Variants in ZNF607 observed in about 807,000 individuals in gnomAD.
ZNF607 encodes the protein zinc finger protein 607.
ZNF607 carries 5 observed loss-of-function variants against 12.8 expected under a neutral mutation model. The observed-to-expected ratio is 0.39, with a 90% CI of 0.20 to 0.82. The LOEUF (loss-of-function observed/expected upper bound fraction) is 0.82, where lower values mean the gene tolerates loss of function less well. Among genes scored for constraint, ZNF607 ranks in the 40% least tolerant of loss-of-function variants. The pLI is 0.39. For synonymous variants in ZNF607, 287 were observed against 276.2 expected, an observed-to-expected ratio of 1.04 and a Z score of -0.39; for missense variants, 851 against 859.2, an observed-to-expected ratio of 0.99 and a Z score of 0.12.
chr19:37,698,417 GACGAA>G lies in ZNF607; in HGVS notation c.1709_1713del (p.Phe570SerfsTer9). 6.2e-7 allele frequency: 1 copy of G among 1,614,184 alleles called. No homozygotes were observed. Among genetic ancestry groups the G allele is most frequent in the Non-Finnish European group, 8.5e-7 (1 of 1,180,020 alleles). On this transcript the variant is annotated frameshift_variant, in exon 5 of 5. Transcript: ENST00000355202. LOFTEE classifies it low-confidence loss of function (END_TRUNC). ...TCATGATATATGAGGCTTGTGGCAT[GACGAA>G]AGGCCTTGCCACATTCCTTACATTC...
At chr19:37,700,959 G>A (rs1456949345) in intron 4 of ZNF607, among the ~76,000 whole-genome samples, 1 of 152,130 alleles carries the variant, frequency 6.6e-6, no homozygotes, top group Non-Finnish European at 1.5e-5. Context: ...TAAAAACAGT[G>A]AATGATTTTG....
intron 4 of ZNF607, among the ~76,000 whole-genome samples, chr19:37,701,553 C>G (rs1030697290): frequency 6.6e-6 from 1 of 152,184 alleles, no homozygotes; most frequent in African/African-American, 2.4e-5. Context: ...GCAGGGGACA[C>G]GTGCGTCAGG....
chr19:37,716,442 G>A (rs1027065526), intron 1 of ZNF607, among the ~76,000 whole-genome samples: 5 of 152,180 alleles, frequency 3.3e-5, no homozygotes, highest in African/African-American at 1.2e-4. Flanking sequence ...TAGCATGAGT[G>A]ACTTCATTTT....
At chr19:37,701,774 G>A (rs560996873) in intron 4 of ZNF607, among the ~76,000 whole-genome samples, 12 of 152,330 alleles carry the variant, frequency 7.9e-5, no homozygotes, top group Non-Finnish European at 1.8e-4. Flanking sequence ...GCTAATGCCT[G>A]TCATGCTAGC....
intron 1 of ZNF607, among the ~76,000 whole-genome samples, chr19:37,718,794 T>G (rs570318226): frequency 1.3e-5 from 2 of 152,296 alleles, no homozygotes; most frequent in East Asian, 3.9e-4. Context: ...AACCCAGACA[T>G]TTCCTCTTAG....
At chr19:37,718,831 C>T (rs1395557242) in intron 1 of ZNF607, among the ~76,000 whole-genome samples, 1 of 152,088 alleles carries the variant, frequency 6.6e-6, no homozygotes, top group Non-Finnish European at 1.5e-5. Flanking sequence ...GATCCCTAAC[C>T]TTCTTGGCTA....
Position 37,699,634 on chromosome 19 carries a change from C to A in ZNF607, c.497G>T (p.Arg166Leu). The change falls in exon 5 of 5, where the codon CGT (arginine) becomes CTT (leucine). Residue 166 changes from arginine (R) to leucine (L), a missense_variant. Physicochemically the swap from Arg to Leu is moderately radical, Grantham distance 102. Transcript: ENST00000355202. ...TTCTTCACATTCATAAGGTTTCTCA[C>A]GAGCATTAATTTTCTGATGCTTTCT... ...DLRKHQKINA[R>L]EKPYECEECG... 6.2e-7 allele frequency: 1 copy of A among 1,614,080 alleles called. No homozygotes were observed. The highest frequency in any genetic ancestry group is 8.5e-7 in the Non-Finnish European group (1 of 1,179,988).
intron 2 of ZNF607, among the ~76,000 whole-genome samples, chr19:37,710,223 G>C (rs531156850): frequency 6.6e-6 from 1 of 152,008 alleles, no homozygotes; most frequent in East Asian, 1.9e-4. Context: ...CCAGAACTTT[G>C]GGAGGCCAAG....
chr19:37,708,006 T>A lies in ZNF607; in HGVS notation c.143A>T (p.His48Leu). 6.2e-7 allele frequency: 1 copy of A among 1,608,652 alleles called. No individual in the cohort carries two copies. The highest frequency in any genetic ancestry group is 8.5e-7 in the Non-Finnish European group (1 of 1,178,602). ...GATTAAATCTGGCTTAGATACGGAA[T>A]GTCCTGCTTACAAAGAAAAGAAGTG... Reference protein sequence around the residue: ...NYDNLVSLAGHSVSKPDLITL... With the variant: ...NYDNLVSLAGLSVSKPDLITL... The change falls in exon 4 of 5, where the codon CAT (histidine) becomes CTT (leucine). Residue 48 changes from histidine (H) to leucine (L), a missense_variant. Physicochemically the swap from His to Leu is moderately conservative, Grantham distance 99. Transcript: ENST00000355202.
In ZNF607 at chr19:37,717,583, G is replaced by GCCATT. The variant is rs1290044236; in HGVS notation, c.-75+1685_-75+1686insAATGG. ...GGCCAAGGTGGGTGGATCACCTGAG[G>GCCATT]TTGGGAGTTCAAGACCAGCCTGACC... is the stretch of plus-strand genomic sequence containing the variant. On this transcript the variant is annotated intron_variant, in intron 1 of 4. Coordinates refer to ENST00000355202, the MANE Select transcript of ZNF607 (RefSeq NM_032689.5). 5.8e-3 allele frequency among the ~76,000 whole-genome samples: 876 copies of GCCATT among 150,528 alleles called. 10 individuals carry two copies. The highest frequency in any genetic ancestry group is 0.02 in the African/African-American group (828 of 40,934).
Position 37,696,518 on chromosome 19 carries a change from T to C in ZNF607, c.*1522A>G, listed in dbSNP as rs537217131. Reference sequence around the variant, plus strand: ...TACTTCCTTCACTTTAAGCCAATCATGAAATTTCAGTGATTTCTGGGGTGA... The same window carrying C: ...TACTTCCTTCACTTTAAGCCAATCACGAAATTTCAGTGATTTCTGGGGTGA... On this transcript the variant is annotated 3_prime_UTR_variant, in exon 5 of 5. Transcript: ENST00000355202. 115 of 414,920 alleles carry C rather than the reference T, an allele frequency of 2.8e-4. No homozygotes were observed. Among genetic ancestry groups the C allele is most frequent in the African/African-American group, 2.1e-3 (103 of 48,624 alleles). The allele number at this position is 414,920 out of a possible 1,614,324, so 25.7% of individuals were successfully genotyped here. A position where few individuals can be genotyped will look rare whatever the true frequency, so the allele number is the denominator to read the frequency against.
In ZNF607 at chr19:37,697,346, T is replaced by G. The variant is rs192590242; in HGVS notation, c.*694A>C. On this transcript the variant is annotated 3_prime_UTR_variant, in exon 5 of 5. Transcript: ENST00000355202. ...ATAAGGCAGAGTTCACCATGCCTCC[T>G]GCAACAGCTAAGGCCAGGCCAAACT... The G allele has an allele frequency of 4.0e-5, 60 of 1,493,234 alleles. No individual in the cohort carries two copies. Among genetic ancestry groups the G allele is most frequent in the Middle Eastern group, 3.5e-4 (2 of 5,660 alleles). The allele number at this position is 1,493,234 out of a possible 1,614,324, so 92.5% of individuals were successfully genotyped here.
At chr19:37,714,584 AG>A (rs1473512451) in intron 1 of ZNF607, among the ~76,000 whole-genome samples, 1 of 144,054 alleles carries the variant, frequency 6.9e-6, no homozygotes, top group Non-Finnish European at 1.5e-5. Flanking sequence ...AAAAAAAAAA[AG>A]TATGCAAAAA....
chr19:37,719,630 AAC>A lies in ZNF607; in HGVS notation c.-438_-437del, dbSNP rs1416882478. 1 of 152,306 alleles carries A rather than the reference AAC, an allele frequency of 6.6e-6. No individual in the cohort carries two copies. Among genetic ancestry groups the A allele is most frequent in the Non-Finnish European group, 1.5e-5 (1 of 68,096 alleles). 9.4% of individuals were successfully genotyped at this position (152,306 alleles called of 1,614,324 possible). A position where few individuals can be genotyped will look rare whatever the true frequency, so the allele number is the denominator to read the frequency against. On this transcript the variant is annotated 5_prime_UTR_variant, in exon 1 of 5. Transcript: ENST00000355202. Reference sequence around the variant, plus strand: ...CTTTGTAATATGTAGTCCAAGCCAGAACAGTCAGGACCGCAGGTACCGGTGAG... The same window carrying A: ...CTTTGTAATATGTAGTCCAAGCCAGAAGTCAGGACCGCAGGTACCGGTGAG...
chr19:37,708,029 G>T lies in ZNF607; in HGVS notation c.137-17C>A. The T allele has an allele frequency of 6.3e-7, 1 of 1,590,868 alleles. No homozygotes were observed. Among genetic ancestry groups the T allele is most frequent in the Non-Finnish European group, 8.6e-7 (1 of 1,168,616 alleles). On this transcript the variant is annotated splice_polypyrimidine_tract_variant and intron_variant, in intron 3 of 4. Coordinates refer to ENST00000355202, the MANE Select transcript of ZNF607 (RefSeq NM_032689.5). ...AATGTCCTGCTTACAAAGAAAAGAA[G>T]TGCCACAAAATACGGAAATCAACTT... is the stretch of plus-strand genomic sequence containing the variant.
At position 37,717,806 on chromosome 19, in the gene ZNF607, C is replaced by CA. The variant is rs57152044; in HGVS notation, c.-75+1462dup. On this transcript the variant is annotated intron_variant, in intron 1 of 4. Transcript: ENST00000355202. Reference sequence around the variant, plus strand: ...GGGCAACAAGAGCGGAACTCAGTCTCAAAAAAAAAAAAAAAAAAAAAAAAG... The same window carrying CA: ...GGGCAACAAGAGCGGAACTCAGTCTCAAAAAAAAAAAAAAAAAAAAAAAAAG... Among the ~76,000 whole-genome samples the CA allele has an allele frequency of 7.4e-3, 492 of 66,770 alleles. 2 individuals are homozygous for CA. The highest frequency in any genetic ancestry group is 0.032 in the East Asian group (55 of 1,734). 43.8% of individuals were successfully genotyped at this position (66,770 alleles called of 152,430 possible).
chr19:37,696,839 C>T lies in ZNF607; in HGVS notation c.*1201G>A. ...TTTTCCACCACAAATCTGGCGCTCT[C>T]TGCTTCCTGGGGGGCCACCTGTCTG... On this transcript the variant is annotated 3_prime_UTR_variant, in exon 5 of 5. Transcript: ENST00000355202. The T allele has an allele frequency of 2.2e-6, 2 of 912,592 alleles. No homozygotes were observed. The highest frequency in any genetic ancestry group is 1.6e-5 in the African/African-American group (1 of 61,758). 56.5% of individuals were successfully genotyped at this position (912,592 alleles called of 1,614,324 possible).
chr19:37,712,679 G>A (rs1599668717), intron 1 of ZNF607, among the ~76,000 whole-genome samples: 1 of 152,310 alleles, frequency 6.6e-6, no homozygotes, highest in Non-Finnish European at 1.5e-5. Flanking sequence ...ATACTTTTGT[G>A]TGGCTCTTGA....
At chr19:37,708,043 G>C in intron 3 of ZNF607, 31 bp from the exon 4 acceptor site, 1 of 1,560,554 alleles carries the variant, frequency 6.4e-7, no homozygotes, top group Non-Finnish European at 8.8e-7. Flanking sequence ...CACAAAATAC[G>C]GAAATCAACT....
Sources: gnomAD v4.1 joint callset for allele counts (sites outside exome capture counted in the v4.1 genomes callset) on GRCh38, gnomAD v4.1.1 for gene constraint, MANE v1.5 for transcripts, NCBI Gene and HGNC (gene_info 2026-07-23, HGNC 2026-07-21) for gene names.